Variants in HNRNPUL1 observed in about 807,000 individuals in gnomAD.
The protein encoded by HNRNPUL1 is heterogeneous nuclear ribonucleoprotein U like 1.
In HNRNPUL1, 14 loss-of-function variants were observed where a neutral mutation model predicts 108.5. The observed-to-expected ratio is 0.13, with a 90% CI of 0.09 to 0.20. The LOEUF (loss-of-function observed/expected upper bound fraction) is 0.20. Among genes scored for constraint, HNRNPUL1 ranks in the 10% least tolerant of loss-of-function variants. HNRNPUL1 has a pLI of 1.00. For synonymous variants in HNRNPUL1, 422 were observed against 445.2 expected, an observed-to-expected ratio of 0.95 and a Z score of 0.66; for missense variants, 804 against 1,168.3, an observed-to-expected ratio of 0.69 and a Z score of 4.55.
rs1187348932 is a variant in HNRNPUL1 at position 41,268,358 on chromosome 19, A to C, written c.418+13A>C. The C allele has an allele frequency of 6.2e-7, 1 of 1,612,510 alleles. No homozygotes were observed. The highest frequency in any genetic ancestry group is 8.5e-7 in the Non-Finnish European group (1 of 1,179,292). ...GCCTATCGTCCAGGTAGGAAAATAC[A>C]CATGGTTCATCTCTTTGGATGGAAA... On this transcript the variant is annotated intron_variant, in intron 2 of 14. Transcript: ENST00000392006.
chr19:41,286,676 G>GCAC (rs2036246963), intron 7 of HNRNPUL1: 1 of 148,292 alleles, frequency 6.7e-6, no homozygotes. Flanking sequence ...GACTGCAGGT[G>GCAC]CACGGCACTG....
Position 41,268,417 on chromosome 19 carries a change from G to T in HNRNPUL1, c.418+72G>T. 4 of 1,508,764 alleles carry T rather than the reference G, an allele frequency of 2.7e-6. No individual in the cohort carries two copies. In the South Asian group the frequency reaches 5.1e-5, roughly 19 times the overall value. The allele number at this position is 1,508,764 out of a possible 1,614,324, so 93.5% of individuals were successfully genotyped here. On this transcript the variant is annotated intron_variant, in intron 2 of 14. Coordinates refer to ENST00000392006, the MANE Select transcript of HNRNPUL1 (RefSeq NM_007040.6). ...ATGGAGCCTTTACCCCCTGCTTAGA[G>T]CGGGTCTTCCCAGAGAAACTGTGCA...
intron 10 of HNRNPUL1, among the ~76,000 whole-genome samples, chr19:41,300,921 C>T (rs1196544782): frequency 6.6e-6 from 1 of 152,140 alleles, no homozygotes. Flanking sequence ...GAACAAACTA[C>T]AAAACTGTCC....
chr19:41,291,107 A>T lies in HNRNPUL1; in HGVS notation c.1000-1138A>T, dbSNP rs559618205. ...GCAATTCAATAAGTAGTTGTTACAGAATAAATGAATGTGGTCCCTGCATGG... is the reference window on the plus strand; with the variant it reads ...GCAATTCAATAAGTAGTTGTTACAGTATAAATGAATGTGGTCCCTGCATGG... On this transcript the variant is annotated intron_variant, in intron 7 of 14. Transcript: ENST00000392006. Among the ~76,000 whole-genome samples the T allele has an allele frequency of 1.1e-4, 17 of 152,328 alleles. No homozygotes were observed. In the South Asian group the frequency reaches 3.5e-3, roughly 32 times the overall value.
At chr19:41,282,774 C>T (rs1159965548) in intron 7 of HNRNPUL1, among the ~76,000 whole-genome samples, 1 of 149,060 alleles carries the variant, frequency 6.7e-6, no homozygotes, top group African/African-American at 2.5e-5. Context: ...ACTGCAAGCT[C>T]CGCCTCCCGG....
chr19:41,301,558 A>G lies in HNRNPUL1; in HGVS notation c.1541A>G (p.Gln514Arg), dbSNP rs1431511932. Residue 514 changes from glutamine (Q) to arginine (R), a missense_variant, in exon 11 of 15, where the codon CAG becomes CGG. Physicochemically the swap from Gln to Arg is conservative, Grantham distance 43. Coordinates refer to ENST00000392006, the MANE Select transcript of HNRNPUL1 (RefSeq NM_007040.6). ...TAGACAAATGTTTATGGGTCAGCCCAGAGACGAAAAATGAGACCATTTGAA... is the reference window on the plus strand; with the variant it reads ...TAGACAAATGTTTATGGGTCAGCCCGGAGACGAAAAATGAGACCATTTGAA... ...LDQTNVYGSA[Q>R]RRKMRPFEGF... 22 of 1,614,044 alleles carry G rather than the reference A, an allele frequency of 1.4e-5. No individual in the cohort carries two copies. The highest frequency in any genetic ancestry group is 1.9e-5 in the Non-Finnish European group (22 of 1,179,960).
rs8100690 is a variant in HNRNPUL1 at position 41,292,201 on chromosome 19, A to G, written c.1000-44A>G. 1.2e-3 allele frequency: 1,865 copies of G among 1,601,834 alleles called. 18 individuals are homozygous for G. The African/African-American group carries it at 0.022, about 19-fold the overall frequency. Reference sequence around the variant, plus strand: ...TCCTCACATTTGACTCCCAGTGCCTATGGCAAGAGTTGGCAATCATATTCC... The same window carrying G: ...TCCTCACATTTGACTCCCAGTGCCTGTGGCAAGAGTTGGCAATCATATTCC... On this transcript the variant is annotated intron_variant, in intron 7 of 14. Transcript: ENST00000392006. The surrounding 1 kb of genome is among the most constrained non-coding windows in gnomAD (Gnocchi z 4.1).
Position 41,306,691 on chromosome 19 carries a change from C to G in HNRNPUL1, c.*126C>G. ...ATGGGGTCATCCCAGGGCTGCCTCC[C>G]TCCAGCCCACTGCCTCCCCTCTGAG... On this transcript the variant is annotated 3_prime_UTR_variant, in exon 15 of 15. Coordinates refer to ENST00000392006, the MANE Select transcript of HNRNPUL1 (RefSeq NM_007040.6). The G allele has an allele frequency of 2.1e-6, 1 of 484,846 alleles. No individual in the cohort carries two copies. The highest frequency in any genetic ancestry group is 3.5e-6 in the Non-Finnish European group (1 of 283,230). The allele number at this position is 484,846 out of a possible 1,614,324, so 30.0% of individuals were successfully genotyped here. A position where few individuals can be genotyped will look rare whatever the true frequency, so the allele number is the denominator to read the frequency against.
Position 41,268,272 on chromosome 19 carries a change from C to A in HNRNPUL1, c.345C>A (p.Val115=). 1 of 1,613,996 alleles carries A rather than the reference C, an allele frequency of 6.2e-7. No individual in the cohort carries two copies. Among genetic ancestry groups the A allele is most frequent in the South Asian group, 1.1e-5 (1 of 91,068 alleles). Residue 115 remains valine (V), a synonymous_variant, in exon 2 of 15, where the codon GTC becomes GTA. Coordinates refer to ENST00000392006, the MANE Select transcript of HNRNPUL1 (RefSeq NM_007040.6). The part of the protein sequence containing the change: ...TRQNQFYDTQ[V]IKQENESGYE... ...AGAACCAATTCTACGATACCCAAGT[C>A]ATCAAACAAGAAAACGAGTCAGGCT... is the stretch of plus-strand genomic sequence containing the variant.
chr19:41,280,811 A>G (rs2035858203), intron 6 of HNRNPUL1: 1 of 232,046 alleles, frequency 4.3e-6, no homozygotes, highest in African/African-American at 2.2e-5. Flanking sequence ...AGTAGACTGG[A>G]CTGAATATTG....
rs368451935 is a variant in HNRNPUL1, at chr19:41,281,149, A to G, written c.887-14A>G. On this transcript the variant is annotated splice_polypyrimidine_tract_variant and intron_variant, in intron 6 of 14. Coordinates refer to ENST00000392006, the MANE Select transcript of HNRNPUL1 (RefSeq NM_007040.6). The stretch of plus-strand genomic sequence containing the variant: ...TCGCAGGTTTAACCTGCCTTTGCCT[A>G]TTTCTTCCGTCAGGCGAAGAGCCTT... 8.8e-6 allele frequency: 14 copies of G among 1,588,686 alleles called. No homozygotes were observed. The highest frequency in any genetic ancestry group is 1.2e-5 in the Non-Finnish European group (14 of 1,157,032).
At chr19:41,282,012 C>G (rs1389388257) in intron 7 of HNRNPUL1, among the ~76,000 whole-genome samples, 2 of 152,294 alleles carry the variant, frequency 1.3e-5, no homozygotes, top group Admixed American at 6.5e-5. Flanking sequence ...ACAGTAAGTG[C>G]TCAGTAAATA....
chr19:41,292,549 G>A lies in HNRNPUL1; in HGVS notation c.1266+38G>A. The A allele has an allele frequency of 6.3e-7, 1 of 1,591,660 alleles. No individual in the cohort carries two copies. The highest frequency in any genetic ancestry group is 1.1e-5 in the South Asian group (1 of 90,610). ...AGAATGTATTGGTGGCCACCTTGCT[G>A]CCAAGACAGAGGAGACACACACACA... is the stretch of plus-strand genomic sequence containing the variant. On this transcript the variant is annotated intron_variant, in intron 8 of 14. Coordinates refer to ENST00000392006, the MANE Select transcript of HNRNPUL1 (RefSeq NM_007040.6). This position sits in a 1 kb window ranked among gnomAD's most constrained non-coding sequence, Gnocchi z 4.1.
At chr19:41,303,350 A>ATTTT (rs34393408) in intron 12 of HNRNPUL1, among the ~76,000 whole-genome samples, 3 of 119,092 alleles carry the variant, frequency 2.5e-5, no homozygotes, top group East Asian at 2.4e-4. Context: ...GCTTCCTCTC[A>ATTTT]TTTTTTTTTT....
chr19:41,283,967 T>C (rs558242729), intron 7 of HNRNPUL1, among the ~76,000 whole-genome samples: 1 of 152,256 alleles, frequency 6.6e-6, no homozygotes, highest in Non-Finnish European at 1.5e-5. Flanking sequence ...GTGAGCTCAA[T>C]TGTTGCAAGT....
chr19:41,263,074 A>T (rs2034600023), upstream of HNRNPUL1: 2 of 152,406 alleles, frequency 1.3e-5, no homozygotes, highest in Admixed American at 6.5e-5. Context: ...AACAACAAAA[A>T]AAAGAACTGG....
At chr19:41,269,540 T>G (rs975654132) in intron 2 of HNRNPUL1, among the ~76,000 whole-genome samples, 10 of 148,358 alleles carry the variant, frequency 6.7e-5, no homozygotes, top group African/African-American at 2.3e-4. Flanking sequence ...CAGTGGCTCA[T>G]GCTTGTAATC....
intron 10 of HNRNPUL1, among the ~76,000 whole-genome samples, chr19:41,296,632 G>A (rs1395727602): frequency 6.6e-6 from 1 of 152,260 alleles, no homozygotes; most frequent in Non-Finnish European, 1.5e-5. Context: ...GAGAAAGAGG[G>A]AGGGGGAAGT....
chr19:41,305,498 C>A, intron 13 of HNRNPUL1, 178 bp from the exon 14 acceptor site: 1 of 758,032 alleles, frequency 1.3e-6, no homozygotes, highest in Non-Finnish European at 2.2e-6. Flanking sequence ...TTCATCCTGC[C>A]CTACCATGGC....
Sources: gnomAD v4.1 joint callset for allele counts (sites outside exome capture counted in the v4.1 genomes callset) on GRCh38, gnomAD v4.1.1 for gene constraint, Gnocchi (gnomAD v3.1) non-coding constraint, MANE v1.5 for transcripts, NCBI Gene and HGNC (gene_info 2026-07-23, HGNC 2026-07-21) for gene names.